GNA14: variants seen among roughly 807,000 people sequenced by gnomAD.
The protein encoded by GNA14 is G protein subunit alpha 14.
A neutral mutation model predicts 42.0 loss-of-function variants in GNA14; 50 were observed. That is an observed-to-expected ratio of 1.19 (90% CI 0.95 to 1.51). The LOEUF (loss-of-function observed/expected upper bound fraction) is 1.51. Ranked by LOEUF, GNA14 falls within the 40% of genes most tolerant of loss-of-function variation. The pLI, the probability that GNA14 is intolerant of heterozygous loss-of-function variation, is 0.00. For missense variants in GNA14, 473 were observed against 446.2 expected (o/e 1.06, Z -0.54); for synonymous variants, 173 against 163.1 (o/e 1.06, Z -0.46).
chr9:77,545,474 AC>A (rs544254738), intron 1 of GNA14, among the ~76,000 whole-genome samples: 78 of 152,350 alleles, frequency 5.1e-4, no homozygotes, highest in African/African-American at 1.7e-3. Context: ...TTTTTAGCCC[AC>A]CACTGTGAAA....
chr9:77,457,285 C>A (rs994416006), intron 2 of GNA14, among the ~76,000 whole-genome samples: 4 of 152,200 alleles, frequency 2.6e-5, no homozygotes, highest in Non-Finnish European at 5.9e-5. Context: ...ATCTTTGCTG[C>A]AACTTTTCAA....
At chr9:77,558,218 A>G (rs1822819980) in intron 1 of GNA14, among the ~76,000 whole-genome samples, 1 of 152,228 alleles carries the variant, frequency 6.6e-6, no homozygotes. Context: ...ACAAAGAAGC[A>G]TTTGGAGGTG....
intron 1 of GNA14, among the ~76,000 whole-genome samples, chr9:77,561,499 C>A (rs140336232): frequency 6.6e-6 from 1 of 152,156 alleles, no homozygotes; most frequent in Admixed American, 6.5e-5. Flanking sequence ...GTGGTATATA[C>A]ATACAATAGA....
chr9:77,465,510 C>T (rs1049168490), intron 2 of GNA14, among the ~76,000 whole-genome samples: 7 of 152,050 alleles, frequency 4.6e-5, no homozygotes, highest in African/African-American at 1.2e-4. Flanking sequence ...TTTGGGTATA[C>T]GCCTAGGAGT....
intron 5 of GNA14, among the ~76,000 whole-genome samples, chr9:77,427,236 G>A (rs748400568): frequency 1.3e-5 from 2 of 151,608 alleles, no homozygotes; most frequent in South Asian, 2.1e-4. Context: ...CTTACTAATC[G>A]TTTGAGTTTC....
intron 1 of GNA14, among the ~76,000 whole-genome samples, chr9:77,600,515 C>T (rs2117913608): frequency 6.6e-6 from 1 of 152,288 alleles, no homozygotes; most frequent in South Asian, 2.1e-4. Context: ...GATACAAACT[C>T]TCTAATGTGT....
intron 1 of GNA14, among the ~76,000 whole-genome samples, chr9:77,569,835 T>C (rs796304785): frequency 2.4e-4 from 37 of 152,108 alleles, no homozygotes; most frequent in African/African-American, 7.0e-4. Context: ...GGCACAATCT[T>C]GGCTCACTGC....
chr9:77,464,225 T>A (rs149750415), intron 2 of GNA14, among the ~76,000 whole-genome samples: 201 of 152,298 alleles, frequency 1.3e-3, no homozygotes, highest in Middle Eastern at 3.4e-3. Context: ...GGTCTTGAAC[T>A]CCTGGCCTCA....
At chr9:77,647,553 G>A (rs1031212363) in intron 1 of GNA14, 117 bp downstream of exon 1, 5 of 1,181,392 alleles carry the variant, frequency 4.2e-6, no homozygotes, top group Admixed American at 5.9e-5. Flanking sequence ...GGGGGAGAAG[G>A]ACGAAGCCGC....
intron 5 of GNA14, among the ~76,000 whole-genome samples, chr9:77,428,460 C>T (rs771796967): frequency 5.9e-5 from 9 of 152,028 alleles, no homozygotes; most frequent in African/African-American, 1.5e-4. Context: ...GAATAGGTTC[C>T]GACCTTAGCA....
chr9:77,474,995 G>A (rs1261974341), intron 2 of GNA14, among the ~76,000 whole-genome samples: 1 of 142,538 alleles, frequency 7.0e-6, no homozygotes, highest in African/African-American at 3.0e-5. Flanking sequence ...GGACTGGGAG[G>A]TCATGGAAAT....
At chr9:77,424,301 C>T (rs1369447456) in intron 6 of GNA14, 132 bp from the exon 7 acceptor site, 3 of 537,018 alleles carry the variant, frequency 5.6e-6, no homozygotes, top group Non-Finnish European at 9.7e-6. Flanking sequence ...CAGCTCACTG[C>T]AACCTCTGCT....
At chr9:77,439,816 G>A (rs1835701395) in intron 2 of GNA14, among the ~76,000 whole-genome samples, 1 of 152,148 alleles carries the variant, frequency 6.6e-6, no homozygotes, top group African/African-American at 2.4e-5. Flanking sequence ...AAGCATTTAA[G>A]GCTTGCTTCA....
At chr9:77,488,022 G>A (rs1303422883) in intron 2 of GNA14, among the ~76,000 whole-genome samples, 1 of 152,054 alleles carries the variant, frequency 6.6e-6, no homozygotes, top group Non-Finnish European at 1.5e-5. Flanking sequence ...TTGATAATGT[G>A]GAAGATTCAG....
chr9:77,514,955 T>C (rs1469350672), intron 2 of GNA14, among the ~76,000 whole-genome samples: 1 of 152,096 alleles, frequency 6.6e-6, no homozygotes, highest in African/African-American at 2.4e-5. Context: ...TAGCTATTTA[T>C]GAGTACAAAG....
At chr9:77,564,421 ATGAGAACCAT>A (rs1822935016) in intron 1 of GNA14, among the ~76,000 whole-genome samples, 1 of 152,138 alleles carries the variant, frequency 6.6e-6, no homozygotes, top group Non-Finnish European at 1.5e-5. Flanking sequence ...ACTGCCCAGG[ATGAGAACCAT>A]TGATACCCAG....
chr9:77,522,219 G>A (rs1194819553), intron 2 of GNA14, among the ~76,000 whole-genome samples: 1 of 152,164 alleles, frequency 6.6e-6, no homozygotes, highest in Non-Finnish European at 1.5e-5. Flanking sequence ...AGGAAATTAC[G>A]CTTTCTATGT....
chr9:77,639,123 T>C (rs554129168), intron 1 of GNA14, among the ~76,000 whole-genome samples: 135 of 152,312 alleles, frequency 8.9e-4, no homozygotes, highest in African/African-American at 3.0e-3. Flanking sequence ...TATCACATTT[T>C]TGTTGTAGAT....
chr9:77,458,152 T>C (rs971587352), intron 2 of GNA14, among the ~76,000 whole-genome samples: 9 of 152,180 alleles, frequency 5.9e-5, no homozygotes, highest in African/African-American at 1.9e-4. Flanking sequence ...ACCCCAGCCT[T>C]GCGCTTCTCA....
Sources: allele counts gnomAD v4.1 joint callset (sites outside exome capture counted in the v4.1 genomes callset), GRCh38; gene constraint gnomAD v4.1.1; transcripts MANE v1.5; gene names NCBI Gene and HGNC (gene_info 2026-07-23, HGNC 2026-07-21).